The following PCDHGA1 variants were observed in gnomAD, a reference collection of about 807,000 sequenced individuals.
PCDHGA1 encodes the protein protocadherin gamma-A1.
A neutral mutation model predicts 58.0 loss-of-function variants in PCDHGA1; 32 were observed. That is an observed-to-expected ratio of 0.55 (90% CI 0.42 to 0.74). The LOEUF (loss-of-function observed/expected upper bound fraction) is 0.74, where lower values mean the gene tolerates loss of function less well. Ranked by LOEUF, PCDHGA1 falls within the 30% of genes least tolerant of loss-of-function variation. PCDHGA1 has a pLI of 0.00. For missense variants in PCDHGA1, 1,205 were observed against 1,182.3 expected (o/e 1.02, Z -0.28); for synonymous variants, 498 against 501.1 (o/e 0.99, Z 0.08).
chr5:141,459,162 T>A (rs1408033955), intron 1 of PCDHGA1, among the ~76,000 whole-genome samples: 3 of 152,224 alleles, frequency 2.0e-5, no homozygotes, highest in African/African-American at 7.2e-5. Context: ...AACATTTCTA[T>A]AACCTTCAAA....
chr5:141,383,085 C>G (rs773972778), intron 1 of PCDHGA1: 15 of 1,613,862 alleles, frequency 9.3e-6, no homozygotes, highest in Non-Finnish European at 1.3e-5. Context: ...TGGCGGAGCG[C>G]GGAGTCCGCA....
chr5:141,382,992 T>G, intron 1 of PCDHGA1: 2 of 1,613,578 alleles, frequency 1.2e-6, no homozygotes, highest in Non-Finnish European at 1.7e-6. Context: ...CAGGACGTAT[T>G]CTCTACTCCG....
chr5:141,505,413 C>G lies in PCDHGA1; in HGVS notation c.2501C>G (p.Thr834Ser). ...CCCAGCTCCCAAAATGGCGATGACA[C>G]CGGCACCTGGCCCAACAACCAGTTT... Reference protein sequence around the residue: ...GTSGSQNGDDTGTWPNNQFDT... With the variant: ...GTSGSQNGDDSGTWPNNQFDT... Residue 834 changes from threonine to serine, a missense_variant, in exon 3 of 4, where the codon ACC (threonine) becomes AGC (serine). Physicochemically the swap from Thr to Ser is moderately conservative, Grantham distance 58. Coordinates refer to ENST00000517417, the MANE Select transcript of PCDHGA1 (RefSeq NM_018912.3). 2.5e-6 allele frequency: 4 copies of G among 1,614,202 alleles called. No individual in the cohort carries two copies. In the South Asian group the frequency reaches 4.4e-5, roughly 18 times the overall value.
chr5:141,414,519 T>C (rs754685087), intron 1 of PCDHGA1: 6 of 1,613,856 alleles, frequency 3.7e-6, no homozygotes, highest in Non-Finnish European at 5.1e-6. Context: ...AAGTGGCAGA[T>C]ATCAATGACA....
At position 141,366,621 on chromosome 5, in the gene PCDHGA1, G is replaced by A. The variant is rs773330182; in HGVS notation, c.2421+33516G>A. 5.6e-6 allele frequency: 9 copies of A among 1,614,110 alleles called. No individual in the cohort carries two copies. The African/African-American group carries it at 8.0e-5, about 14-fold the overall frequency. On this transcript the variant is annotated intron_variant, in intron 1 of 3. Transcript: ENST00000517417. ...GAGGTCTCCCTCACCGCGGACTCGA[G>A]GAAGAGTCACCTGATCTTTCCCCAG...
intron 1 of PCDHGA1, chr5:141,395,553 TG>T: frequency 1.2e-5 from 1 of 84,110 alleles, no homozygotes; most frequent in Non-Finnish European, 2.1e-5. Context: ...TGTGTGTGTG[TG>T]TGTGTGTGTG....
chr5:141,509,157 C>T lies in PCDHGA1; in HGVS notation c.2570-1790C>T, dbSNP rs369133984. Among the ~76,000 whole-genome samples the T allele has an allele frequency of 2.6e-4, 40 of 152,314 alleles. No individual in the cohort carries two copies. In the South Asian group the frequency reaches 7.0e-3, roughly 27 times the overall value. On this transcript the variant is annotated intron_variant, in intron 3 of 3. Transcript: ENST00000517417. The stretch of plus-strand genomic sequence containing the variant: ...GAGGCGCATCCCGGCTCTCCCCTCC[C>T]GTGTGCCCTCCTCCTCTTATGCCGG...
At chr5:141,402,993 T>C (rs762604393) in intron 1 of PCDHGA1, 3 of 1,613,752 alleles carry the variant, frequency 1.9e-6, no homozygotes, top group Non-Finnish European at 2.5e-6. Context: ...GGAAGATTAG[T>C]CCTGCTATGC....
chr5:141,447,226 G>A (rs746777844), intron 1 of PCDHGA1, among the ~76,000 whole-genome samples: 1 of 151,910 alleles, frequency 6.6e-6, no homozygotes, highest in Non-Finnish European at 1.5e-5. Context: ...TGCAACCTCC[G>A]CCTCCCGGGT....
At chr5:141,409,964 G>A (rs1042730924) in intron 1 of PCDHGA1, 5 of 1,613,300 alleles carry the variant, frequency 3.1e-6, no homozygotes, top group East Asian at 2.2e-5. Flanking sequence ...CGGCTACCTA[G>A]TGACTAAGGT....
At chr5:141,353,697 A>G (rs909535781) in intron 1 of PCDHGA1, among the ~76,000 whole-genome samples, 1 of 152,192 alleles carries the variant, frequency 6.6e-6, no homozygotes, top group South Asian at 2.1e-4. Flanking sequence ...CGTTTTCCAT[A>G]CTTCTTGTTT....
chr5:141,382,728 C>T, intron 1 of PCDHGA1: 1 of 545,686 alleles, frequency 1.8e-6, no homozygotes. Context: ...AGTTTTACAG[C>T]ACAGAGAAAC....
chr5:141,340,280 C>G, intron 1 of PCDHGA1: 2 of 1,614,162 alleles, frequency 1.2e-6, no homozygotes, highest in Non-Finnish European at 1.7e-6. Flanking sequence ...CACGGATGCT[C>G]ACATTTTGCT....
chr5:141,450,119 G>A (rs765403319), intron 1 of PCDHGA1, among the ~76,000 whole-genome samples: 2 of 148,920 alleles, frequency 1.3e-5, no homozygotes, highest in Non-Finnish European at 3.0e-5. Context: ...TGATTCTCCT[G>A]CCTTAGCCTC....
intron 1 of PCDHGA1, among the ~76,000 whole-genome samples, chr5:141,444,703 T>A (rs963617867): frequency 6.6e-6 from 1 of 152,248 alleles, no homozygotes; most frequent in Non-Finnish European, 1.5e-5. Context: ...TTCCTCTTTC[T>A]GTTGAATTTG....
rs113341686 is a variant in PCDHGA1, at chr5:141,488,763, G to A, written c.2422-6044G>A. Among the ~76,000 whole-genome samples the A allele has an allele frequency of 6.6e-4, 101 of 152,264 alleles. 1 individual carries two copies. The highest frequency in any genetic ancestry group is 1.7e-3 in the African/African-American group (69 of 41,544). ...ATGCAGGAAGTTGCTGGGACAGAACGCTGAGGAGTTTTGTATCACTTTGTC... is the reference window on the plus strand; with the variant it reads ...ATGCAGGAAGTTGCTGGGACAGAACACTGAGGAGTTTTGTATCACTTTGTC... On this transcript the variant is annotated intron_variant, in intron 1 of 3. Coordinates refer to ENST00000517417, the MANE Select transcript of PCDHGA1 (RefSeq NM_018912.3).
chr5:141,422,499 A>G lies in PCDHGA1; in HGVS notation c.2422-72308A>G. 3 of 1,614,036 alleles carry G rather than the reference A, an allele frequency of 1.9e-6. No homozygotes were observed. The South Asian group carries it at 3.3e-5, about 18-fold the overall frequency. On this transcript the variant is annotated intron_variant, in intron 1 of 3. Coordinates refer to ENST00000517417, the MANE Select transcript of PCDHGA1 (RefSeq NM_018912.3). ...TCCAGAGCTACAATATAACGTTGAC[A>G]GCCACAGACCAGGGAAGCCCGCCTT...
Position 141,333,101 on chromosome 5 carries a change from C to G in PCDHGA1, c.2417C>G (p.Ser806Cys). 3 of 1,614,176 alleles carry G rather than the reference C, an allele frequency of 1.9e-6. No individual in the cohort carries two copies. Among genetic ancestry groups the G allele is most frequent in the Non-Finnish European group, 2.5e-6 (3 of 1,180,034 alleles). The part of the protein sequence containing the change: ...SLLEDKKEPF[S>C]QQAPPNTDWR... ...CTTGAAGACAAAAAGGAACCATTTT[C>G]TCAGGTAAACTTTTGTGATGAATGT... The change falls in exon 1 of 4, where the codon TCT becomes TGT. Residue 806 changes from serine to cysteine, a missense_variant. Physicochemically the swap from Ser to Cys is moderately radical, Grantham distance 112 (BLOSUM62 -1). Coordinates refer to ENST00000517417, the MANE Select transcript of PCDHGA1 (RefSeq NM_018912.3).
In PCDHGA1 at chr5:141,365,219, A is replaced by G. The variant is rs569659080; in HGVS notation, c.2421+32114A>G. 1.4e-5 allele frequency: 22 copies of G among 1,613,962 alleles called. No homozygotes were observed. The Admixed American group carries it at 2.3e-4, about 17-fold the overall frequency. ...TTCGGAGACTTTCCAACTTGATTCC[A>G]ACCTGGGGGAAATCTCAACTCTACA... On this transcript the variant is annotated intron_variant, in intron 1 of 3. Coordinates refer to ENST00000517417, the MANE Select transcript of PCDHGA1 (RefSeq NM_018912.3).
Sources: gnomAD v4.1 joint callset for allele counts (sites outside exome capture counted in the v4.1 genomes callset) on GRCh38, gnomAD v4.1.1 for gene constraint, MANE v1.5 for transcripts, NCBI Gene and HGNC (gene_info 2026-07-23, HGNC 2026-07-21) for gene names.